GOLGB1: variants seen among roughly 807,000 people sequenced by gnomAD.
GOLGB1 encodes the protein golgin subfamily B member 1.
In GOLGB1, 174 loss-of-function variants were observed where a neutral mutation model predicts 336.9. The ratio of observed to expected loss-of-function variants is 0.52; its 90% confidence interval spans 0.46 to 0.59. The LOEUF is 0.59. Among genes scored for constraint, GOLGB1 ranks in the 20% least tolerant of loss-of-function variants. GOLGB1 has a pLI of 0.00. For missense variants in GOLGB1, 3,331 were observed against 3,645.3 expected (o/e 0.91, Z 2.22); for synonymous variants, 1,208 against 1,289.2 (o/e 0.94, Z 1.35).
Position 121,698,434 on chromosome 3 carries a change from G to C in GOLGB1, c.2089C>G (p.Gln697Glu). The C allele has an allele frequency of 1.9e-6, 3 of 1,613,868 alleles. No homozygotes were observed. The highest frequency in any genetic ancestry group is 2.5e-6 in the Non-Finnish European group (3 of 1,179,898). ...AAGTTTAGCTCGAGCTCCAAAATTT[G>C]ACTTTTTAACCTTTCCAACTCATCC... ...HQDELERLKS[Q>E]ILELELNFHK... The change falls in exon 13 of 22, where the codon CAA becomes GAA. Residue 697 changes from glutamine to glutamate, a missense_variant. Coordinates refer to ENST00000614479, the MANE Select transcript of GOLGB1 (RefSeq NM_001366282.2).
Position 121,691,719 on chromosome 3 carries a change from T to C in GOLGB1, c.7645A>G (p.Ile2549Val), listed in dbSNP as rs1942438560. 1 of 1,612,782 alleles carries C rather than the reference T, an allele frequency of 6.2e-7. No individual in the cohort carries two copies. Among genetic ancestry groups the C allele is most frequent in the Non-Finnish European group, 8.5e-7 (1 of 1,179,754 alleles). Residue 2549 changes from isoleucine to valine, a missense_variant, in exon 14 of 22, where the codon ATA becomes GTA. Coordinates refer to ENST00000614479, the MANE Select transcript of GOLGB1 (RefSeq NM_001366282.2). The part of the protein sequence containing the change: ...IQYREDLNQV[I>V]TIKDSQQKQL... The stretch of plus-strand genomic sequence containing the variant: ...TTTTGTTGGCTGTCCTTTATTGTTA[T>C]CACTTGGTTCAGGTCTTCTCTATAT...
At chr3:121,688,603 GCCA>G (rs1942041251) in intron 14 of GOLGB1, among the ~76,000 whole-genome samples, 1 of 152,142 alleles carries the variant, frequency 6.6e-6, no homozygotes, top group African/African-American at 2.4e-5. Context: ...CTGCCCCGCC[GCCA>G]CCCCGTCTGG....
intron 17 of GOLGB1, among the ~76,000 whole-genome samples, chr3:121,675,948 G>A (rs1940318011): frequency 6.6e-6 from 1 of 152,180 alleles, no homozygotes; most frequent in African/African-American, 2.4e-5. Flanking sequence ...GGCTAGAGCT[G>A]TAAAGGGTGG....
Position 121,696,637 on chromosome 3 carries a change from GAGA to G in GOLGB1, c.3883_3885del (p.Ser1295del). 6.2e-7 allele frequency: 1 copy of G among 1,614,176 alleles called. No homozygotes were observed. The highest frequency in any genetic ancestry group is 8.5e-7 in the Non-Finnish European group (1 of 1,180,022). On this transcript the variant is annotated inframe_deletion, in exon 13 of 22. Transcript: ENST00000614479. Reference sequence around the variant, plus strand: ...TGCAGAGCACTCGCATCTTCAGAATGAGAAGGCCAGTCTGGGCACAAGTTGGAC... The same window carrying G: ...TGCAGAGCACTCGCATCTTCAGAATGAGGCCAGTCTGGGCACAAGTTGGAC...
chr3:121,697,550 T>C lies in GOLGB1; in HGVS notation c.2973A>G (p.Lys991=). The change falls in exon 13 of 22, where the codon AAA becomes AAG. Residue 991 remains lysine (K), a synonymous_variant. Transcript: ENST00000614479. ...GCTTTCTCTTTCTCTGCTCATTTTCTTTCTTCAGAAGGTCAAATTCATGCT... is the reference window on the plus strand; with the variant it reads ...GCTTTCTCTTTCTCTGCTCATTTTCCTTCTTCAGAAGGTCAAATTCATGCT... ...ELQHEFDLLK[K]ENEQRKRKLQ... 2 of 1,613,840 alleles carry C rather than the reference T, an allele frequency of 1.2e-6. No individual in the cohort carries two copies. Among genetic ancestry groups the C allele is most frequent in the Non-Finnish European group, 1.7e-6 (2 of 1,179,956 alleles).
chr3:121,726,486 T>C (rs1340386891), intron 5 of GOLGB1, among the ~76,000 whole-genome samples: 1 of 90,566 alleles, frequency 1.1e-5, no homozygotes, highest in Non-Finnish European at 2.5e-5. Context: ...TATACAGAGA[T>C]GAGAGAAAAA....
intron 14 of GOLGB1, among the ~76,000 whole-genome samples, chr3:121,683,043 A>ATTTAATTT (rs1941263048): frequency 8.9e-6 from 1 of 112,678 alleles, no homozygotes; most frequent in Non-Finnish European, 2.0e-5. Context: ...TTAAGAAGCA[A>ATTTAATTT]TTTCTTTTAA....
At position 121,748,120 on chromosome 3, in the gene GOLGB1, A is replaced by C. The variant is rs561011955; in HGVS notation, c.-3+1512T>G. ...GGTTGAAAAAAATCTTCTAAAGATC[A>C]TGTTTAAGAAAGGCTGCATCCCAGA... On this transcript the variant is annotated intron_variant, in intron 1 of 21. Transcript: ENST00000614479. Among the ~76,000 whole-genome samples, 9 of 152,276 alleles carry C rather than the reference A, an allele frequency of 5.9e-5. No individual in the cohort carries two copies. In the South Asian group the frequency reaches 1.9e-3, roughly 32 times the overall value.
chr3:121,673,226 G>A (rs569791880), intron 17 of GOLGB1, among the ~76,000 whole-genome samples: 5 of 152,048 alleles, frequency 3.3e-5, no homozygotes, highest in African/African-American at 9.6e-5. Flanking sequence ...CCGCCATCAC[G>A]CCCAGCTAAT....
intron 1 of GOLGB1, among the ~76,000 whole-genome samples, chr3:121,734,403 A>AC (rs1377758615): frequency 4.6e-5 from 7 of 151,720 alleles, no homozygotes; most frequent in Non-Finnish European, 7.4e-5. Flanking sequence ...AAAAAAAAAA[A>AC]AAAAAAAACA....
At position 121,691,368 on chromosome 3, in the gene GOLGB1, C is replaced by T; in HGVS notation, c.7996G>A (p.Glu2666Lys). The T allele has an allele frequency of 1.9e-6, 3 of 1,613,092 alleles. No homozygotes were observed. The highest frequency in any genetic ancestry group is 2.5e-6 in the Non-Finnish European group (3 of 1,179,826). ...GCTTCCTTTTGAACACAAACCAATT[C>T]TTCTTCCAGTTCTGCAATTCTCTTT... is the stretch of plus-strand genomic sequence containing the variant. The part of the protein sequence containing the change: ...SQKRIAELEE[E>K]LVCVQKEAAK... Residue 2666 changes from glutamate to lysine, a missense_variant, in exon 14 of 22, where the codon GAA becomes AAA. Coordinates refer to ENST00000614479, the MANE Select transcript of GOLGB1 (RefSeq NM_001366282.2).
Position 121,690,947 on chromosome 3 carries a change from G to A in GOLGB1, c.8417C>T (p.Ser2806Phe). 1 of 1,614,072 alleles carries A rather than the reference G, an allele frequency of 6.2e-7. No individual in the cohort carries two copies. The highest frequency in any genetic ancestry group is 8.5e-7 in the Non-Finnish European group (1 of 1,179,914). The part of the protein sequence containing the change: ...SMNSTEENSL[S>F]HLEKLNQQLL... The stretch of plus-strand genomic sequence containing the variant: ...CTGTTGGTTAAGTTTCTCAAGGTGA[G>A]ACAAGCTATTCTCCTCAGTGGAGTT... The change falls in exon 14 of 22, where the codon TCT becomes TTT. Residue 2806 changes from serine (S) to phenylalanine (F), a missense_variant. Coordinates refer to ENST00000614479, the MANE Select transcript of GOLGB1 (RefSeq NM_001366282.2).
At chr3:121,729,069 C>A (rs529531795) in intron 4 of GOLGB1, 119 bp downstream of exon 4, 160 of 620,052 alleles carry the variant, frequency 2.6e-4, no homozygotes, top group Admixed American at 9.4e-4. Flanking sequence ...AAAAAAAAAA[C>A]AAAACATTAT....
chr3:121,664,811 T>C, intron 21 of GOLGB1, 115 bp downstream of exon 21: 2 of 798,148 alleles, frequency 2.5e-6, no homozygotes, highest in Non-Finnish European at 4.2e-6. Context: ...AGCCTTAGAC[T>C]CATTCGCTGC....
At chr3:121,713,141 G>A (rs923651265) in intron 10 of GOLGB1, among the ~76,000 whole-genome samples, 1 of 151,988 alleles carries the variant, frequency 6.6e-6, no homozygotes, top group Admixed American at 6.6e-5. Flanking sequence ...CAGCATGGGC[G>A]ACAGACCAAG....
chr3:121,688,821 G>A (rs143688062), intron 14 of GOLGB1, among the ~76,000 whole-genome samples: 33,667 of 149,880 alleles, frequency 0.22, 3,959 homozygotes, highest in East Asian at 0.46. Context: ...TGTGAGGAGC[G>A]CCTCTGCCCG....
intron 1 of GOLGB1, among the ~76,000 whole-genome samples, chr3:121,740,166 C>T (rs77315442): frequency 0.011 from 1,609 of 152,228 alleles, 34 homozygotes; most frequent in African/African-American, 0.038. Flanking sequence ...CAGGAACCTA[C>T]ACAGGTGATA....
At chr3:121,744,248 C>T (rs1947087032) in intron 1 of GOLGB1, among the ~76,000 whole-genome samples, 1 of 151,862 alleles carries the variant, frequency 6.6e-6, no homozygotes, top group African/African-American at 2.4e-5. Context: ...ATCATCATCC[C>T]CATTTTATAG....
intron 15 of GOLGB1, among the ~76,000 whole-genome samples, chr3:121,681,325 G>C (rs35606458): frequency 0.085 from 12,892 of 152,290 alleles, 1,202 homozygotes; most frequent in Admixed American, 0.29. Context: ...GGAAGGTAGG[G>C]AAGGGAGGAA....
Sources: gnomAD v4.1 joint callset for allele counts (sites outside exome capture counted in the v4.1 genomes callset) on GRCh38, gnomAD v4.1.1 for gene constraint, MANE v1.5 for transcripts, NCBI Gene and HGNC (gene_info 2026-07-23, HGNC 2026-07-21) for gene names.